TNFSF4: variants seen among roughly 807,000 people sequenced by gnomAD.
TNFSF4 encodes TNF superfamily member 4, also known as tumor necrosis factor ligand superfamily member 4.
In TNFSF4, 4 loss-of-function variants were observed where a neutral mutation model predicts 7.3. The ratio of observed to expected loss-of-function variants is 0.55; its 90% CI spans 0.27 to 1.25. The LOEUF (loss-of-function observed/expected upper bound fraction) is 1.25. Among genes scored for constraint, TNFSF4 ranks in the 50% most tolerant of loss-of-function variants. The pLI is 0.12. For missense variants in TNFSF4, 181 were observed against 208.8 expected, an observed-to-expected ratio of 0.87 and a Z score of 0.82; for synonymous variants, 76 against 83.7, an observed-to-expected ratio of 0.91 and a Z score of 0.50.
the TNFSF4 span, among the ~76,000 whole-genome samples, chr1:173,393,517 T>G: frequency 6.6e-6 from 1 of 152,288 alleles, no homozygotes; most frequent in Non-Finnish European, 1.5e-5. Context: ...TCCAAACCCC[T>G]TAACTGGGAA....
chr1:173,215,667 A>G, the TNFSF4 span, among the ~76,000 whole-genome samples: 1 of 152,206 alleles, frequency 6.6e-6, no homozygotes, highest in Non-Finnish European at 1.5e-5. Flanking sequence ...TTTCACTGAC[A>G]TATGTTGCAT....
the TNFSF4 span, among the ~76,000 whole-genome samples, chr1:173,354,436 TA>T: frequency 6.6e-6 from 1 of 150,396 alleles, no homozygotes; most frequent in South Asian, 2.1e-4. Context: ...GTACCATTCC[TA>T]CTGAAACTAT....
At chr1:173,406,844 C>T in the TNFSF4 span, among the ~76,000 whole-genome samples, 1 of 152,016 alleles carries the variant, frequency 6.6e-6, no homozygotes. Flanking sequence ...TGTGGGAATC[C>T]TGAGAGGTAA....
At chr1:173,346,222 C>T in the TNFSF4 span, among the ~76,000 whole-genome samples, 1 of 152,128 alleles carries the variant, frequency 6.6e-6, no homozygotes, top group African/African-American at 2.4e-5. Flanking sequence ...AAAACAGTTG[C>T]TTGAACATCA....
At chr1:173,345,823 G>A in the TNFSF4 span, among the ~76,000 whole-genome samples, 4 of 152,166 alleles carry the variant, frequency 2.6e-5, no homozygotes, top group Admixed American at 6.5e-5. Context: ...TACCATTCCT[G>A]GGGCACCCCT....
the TNFSF4 span, among the ~76,000 whole-genome samples, chr1:173,261,038 T>G: frequency 6.6e-6 from 1 of 152,192 alleles, no homozygotes; most frequent in Non-Finnish European, 1.5e-5. Context: ...GAATATACTT[T>G]CTTCTCGGCA....
chr1:173,360,478 T>C, the TNFSF4 span, among the ~76,000 whole-genome samples: 1 of 152,250 alleles, frequency 6.6e-6, no homozygotes, highest in Non-Finnish European at 1.5e-5. Context: ...GGGATATGGT[T>C]AATTCTACTT....
the TNFSF4 span, among the ~76,000 whole-genome samples, chr1:173,268,834 C>T: frequency 6.6e-6 from 1 of 152,056 alleles, no homozygotes; most frequent in Non-Finnish European, 1.5e-5. Flanking sequence ...GACTATACTA[C>T]TATCAGATAA....
At chr1:173,373,674 G>A in the TNFSF4 span, among the ~76,000 whole-genome samples, 1 of 152,014 alleles carries the variant, frequency 6.6e-6, no homozygotes, top group Non-Finnish European at 1.5e-5. Context: ...CCATCATAAG[G>A]CCCCTCTGGG....
chr1:173,445,988 A>C, the TNFSF4 span, among the ~76,000 whole-genome samples: 2 of 152,196 alleles, frequency 1.3e-5, no homozygotes, highest in Non-Finnish European at 2.9e-5. Context: ...ACAATCTTCC[A>C]AATCTCTTGA....
downstream of TNFSF4, among the ~76,000 whole-genome samples, chr1:173,181,335 C>T (rs1429802604): frequency 1.3e-5 from 2 of 152,066 alleles, no homozygotes; most frequent in Non-Finnish European, 2.9e-5. Context: ...AGGCCAAGAT[C>T]GTATAAATCA....
chr1:173,377,570 G>A, the TNFSF4 span, among the ~76,000 whole-genome samples: 3 of 152,170 alleles, frequency 2.0e-5, no homozygotes, highest in African/African-American at 4.8e-5. Flanking sequence ...CCTAATGCTT[G>A]TCAGACAAAC....
At chr1:173,221,464 G>A in the TNFSF4 span, among the ~76,000 whole-genome samples, 3 of 152,264 alleles carry the variant, frequency 2.0e-5, no homozygotes, top group Middle Eastern at 3.4e-3. Context: ...AGAGGGTGAC[G>A]AATTATCAGA....
the TNFSF4 span, among the ~76,000 whole-genome samples, chr1:173,369,390 G>C: frequency 6.6e-6 from 1 of 152,210 alleles, no homozygotes; most frequent in South Asian, 2.1e-4. Flanking sequence ...CAAGGGTGCA[G>C]ATTTTTGAGA....
chr1:173,302,824 A>C, the TNFSF4 span, among the ~76,000 whole-genome samples: 7 of 151,982 alleles, frequency 4.6e-5, no homozygotes, highest in African/African-American at 1.7e-4. Flanking sequence ...GGCTATGAGG[A>C]ATAATTTAAT....
the TNFSF4 span, among the ~76,000 whole-genome samples, chr1:173,414,211 T>C: frequency 1.3e-5 from 2 of 152,186 alleles, no homozygotes; most frequent in Non-Finnish European, 2.9e-5. Context: ...AAGGTCAAGA[T>C]GCCAGAAAAT....
At chr1:173,257,129 C>T in the TNFSF4 span, among the ~76,000 whole-genome samples, 4,036 of 152,298 alleles carry the variant, frequency 0.027, 172 homozygotes, top group African/African-American at 0.092. Context: ...CTTCAGAAAT[C>T]CAAGAAAGAA....
chr1:173,182,177 TACA>T (rs1391550024), downstream of TNFSF4, among the ~76,000 whole-genome samples: 2 of 152,244 alleles, frequency 1.3e-5, no homozygotes, highest in East Asian at 1.9e-4. Flanking sequence ...CTTATGTTCT[TACA>T]ACATTTCTTT....
At chr1:173,450,427 T>C in the TNFSF4 span, among the ~76,000 whole-genome samples, 1 of 152,084 alleles carries the variant, frequency 6.6e-6, no homozygotes, top group Non-Finnish European at 1.5e-5. Flanking sequence ...CAATTGATTT[T>C]ATGAGATTGG....
Sources: gnomAD v4.1 joint callset for allele counts (sites outside exome capture counted in the v4.1 genomes callset) on GRCh38, gnomAD v4.1.1 for gene constraint, MANE v1.5 for transcripts, NCBI Gene and HGNC (gene_info 2026-07-23, HGNC 2026-07-21) for gene names.